The following ANO3 variants were observed in gnomAD, a reference collection of about 807,000 sequenced individuals.
ANO3 encodes anoctamin 3.
In ANO3, 99 loss-of-function variants were observed where a neutral mutation model predicts 144.8. That is an observed-to-expected ratio of 0.68 (90% CI 0.58 to 0.81). The LOEUF is 0.81. ANO3 is among the 30% of genes least tolerant of loss of function. ANO3 has a pLI of 0.00. For synonymous variants in ANO3, 414 were observed against 392.6 expected, an observed-to-expected ratio of 1.05 and a Z score of -0.64; for missense variants, 905 against 1,202.2, an observed-to-expected ratio of 0.75 and a Z score of 3.66.
In ANO3 at chr11:26,544,273, T is replaced by TATATACACACAC; in HGVS notation, c.1154+2206_1154+2207insTATACACACACA. Among the ~76,000 whole-genome samples the TATATACACACAC allele has an allele frequency of 1.2e-4, 7 of 58,566 alleles. 1 individual carries two copies. Among genetic ancestry groups the TATATACACACAC allele is most frequent in the East Asian group, 2.3e-3 (2 of 862 alleles). The allele number at this position is 58,566 out of a possible 152,430, so 38.4% of individuals were successfully genotyped here. ...ATACATATATATATATATATATATA[T>TATATACACACAC]ACACACATACACACACACACACACA... is the stretch of plus-strand genomic sequence containing the variant. On this transcript the variant is annotated intron_variant, in intron 11 of 26. Transcript: ENST00000256737.
intron 17 of ANO3, among the ~76,000 whole-genome samples, chr11:26,615,414 A>ATATATATATATATTTTTT (rs1352935016): frequency 7.7e-6 from 1 of 130,700 alleles, no homozygotes; most frequent in African/African-American, 3.0e-5. Context: ...ATATATATAT[A>ATATATATATATATTTTTT]TTTTTTTTTT....
intron 13 of ANO3, among the ~76,000 whole-genome samples, chr11:26,555,383 TG>T (rs2134234960): frequency 6.6e-6 from 1 of 152,256 alleles, no homozygotes; most frequent in East Asian, 1.9e-4. Context: ...TAACACACAT[TG>T]GCATTATTTT....
intron 1 of ANO3, among the ~76,000 whole-genome samples, chr11:26,405,148 A>G (rs1857247980): frequency 6.6e-6 from 1 of 151,578 alleles, no homozygotes; most frequent in Non-Finnish European, 1.5e-5. Context: ...TATTCCTTTC[A>G]TGGGAAAGAA....
chr11:26,340,828 T>C (rs1329046627), intron 1 of ANO3, among the ~76,000 whole-genome samples: 1 of 152,234 alleles, frequency 6.6e-6, no homozygotes, highest in Non-Finnish European at 1.5e-5. Context: ...TTAAGGTTCC[T>C]AAATGGCATT....
chr11:26,634,298 C>T lies in ANO3; in HGVS notation c.1968C>T (p.Ile656=), dbSNP rs149050831. The T allele has an allele frequency of 7.9e-3, 12,697 of 1,611,710 alleles. 90 individuals are homozygous for T. The highest frequency in any genetic ancestry group is 8.8e-3 in the Non-Finnish European group (10,407 of 1,178,062). Residue 656 remains isoleucine, a synonymous_variant, in exon 19 of 27, where the codon ATC becomes ATT. Transcript: ENST00000256737. ...FVNLNSSIFY[I]AFFLGRFVGH... is the part of the protein sequence containing the mutation. Reference sequence around the variant, plus strand: ...ATTTAAACAGTTCCATCTTCTATATCGCTTTCTTTTTGGGAAGGTAAGTCA... The same window carrying T: ...ATTTAAACAGTTCCATCTTCTATATTGCTTTCTTTTTGGGAAGGTAAGTCA...
chr11:26,250,756 C>T lies in ANO3; in HGVS notation c.155-58889C>T, dbSNP rs533673603. Among the ~76,000 whole-genome samples the T allele has an allele frequency of 5.3e-5, 8 of 152,274 alleles. No individual in the cohort carries two copies. The South Asian group carries it at 1.7e-3, about 32-fold the overall frequency. ...ATGTGATAGTATATGAGTCTCTTTC[C>T]AAATTTTGTACATATGCACATTTGT... On this transcript the variant is annotated intron_variant, in intron 1 of 27. Transcript: ENST00000672621.
At chr11:26,321,620 TA>T (rs1854763641) in intron 1 of ANO3, among the ~76,000 whole-genome samples, 1 of 152,086 alleles carries the variant, frequency 6.6e-6, no homozygotes, top group South Asian at 2.1e-4. Flanking sequence ...CACTCAAGAA[TA>T]AATTATGTCT....
chr11:26,210,089 G>C lies in ANO3; in HGVS notation c.154+20759G>C, dbSNP rs554804722. 4.6e-5 allele frequency among the ~76,000 whole-genome samples: 7 copies of C among 152,232 alleles called. No individual in the cohort carries two copies. The South Asian group carries it at 1.5e-3, about 32-fold the overall frequency. On this transcript the variant is annotated intron_variant, in intron 1 of 27. Coordinates refer to the ANO3 transcript ENST00000672621. ...CCTATGTCCTGAATGGTATTGACTAGGTTTTCTGCTATGGTTTTTATGGTT... is the reference window on the plus strand; with the variant it reads ...CCTATGTCCTGAATGGTATTGACTACGTTTTCTGCTATGGTTTTTATGGTT...
In ANO3 at chr11:26,553,244, T is replaced by TTTAA; in HGVS notation, c.1290-5_1290-4insTTAA. 2 of 1,436,592 alleles carry TTTAA rather than the reference T, an allele frequency of 1.4e-6. No homozygotes were observed. Among genetic ancestry groups the TTTAA allele is most frequent in the Non-Finnish European group, 1.9e-6 (2 of 1,030,676 alleles). The allele number at this position is 1,436,592 out of a possible 1,614,324, so 89.0% of individuals were successfully genotyped here. A position where few individuals can be genotyped will look rare whatever the true frequency, so the allele number is the denominator to read the frequency against. ...GTTTTGTTTTTGTTTTTGTTTTTTCTCAAGCCAAGAAATTTGTAAAGCCAC... is the reference window on the plus strand; with the variant it reads ...GTTTTGTTTTTGTTTTTGTTTTTTCTTTAACAAGCCAAGAAATTTGTAAAGCCAC... On this transcript the variant is annotated splice_polypyrimidine_tract_variant and splice_region_variant and intron_variant, in intron 12 of 26. Coordinates refer to ENST00000256737, the MANE Select transcript of ANO3 (RefSeq NM_031418.4).
chr11:26,568,263 T>C (rs943274909), intron 14 of ANO3, among the ~76,000 whole-genome samples: 1 of 152,048 alleles, frequency 6.6e-6, no homozygotes, highest in Non-Finnish European at 1.5e-5. Context: ...GAAGGGCTTA[T>C]TAATCCCACT....
chr11:26,456,017 C>T (rs1018168944), intron 3 of ANO3, among the ~76,000 whole-genome samples: 23 of 151,196 alleles, frequency 1.5e-4, no homozygotes, highest in African/African-American at 5.3e-4. Context: ...AACTGGCTAG[C>T]CATATGTAGA....
intron 3 of ANO3, among the ~76,000 whole-genome samples, chr11:26,460,419 AGG>A (rs11288749): frequency 2.2e-4 from 25 of 114,090 alleles, no homozygotes; most frequent in East Asian, 1.0e-3. Flanking sequence ...AGAAGAAGAA[AGG>A]GGGGGGGGCG....
chr11:26,223,292 T>C (rs896164494), intron 1 of ANO3, among the ~76,000 whole-genome samples: 1 of 152,132 alleles, frequency 6.6e-6, no homozygotes, highest in Non-Finnish European at 1.5e-5. Context: ...AGCCAAGCTC[T>C]TTCCTAAGAC....
intron 1 of ANO3, among the ~76,000 whole-genome samples, chr11:26,243,379 G>T (rs1400148305): frequency 1.3e-5 from 2 of 148,876 alleles, no homozygotes; most frequent in Non-Finnish European, 1.5e-5. Context: ...TATGTTCTTT[G>T]CAAGAATAGA....
chr11:26,495,150 G>A (rs952157643), intron 4 of ANO3, among the ~76,000 whole-genome samples: 1 of 151,064 alleles, frequency 6.6e-6, no homozygotes, highest in African/African-American at 2.4e-5. Context: ...TGTCATCCAG[G>A]CTGGAGTACA....
intron 14 of ANO3, among the ~76,000 whole-genome samples, chr11:26,589,621 GCCACCACCAATCTATTTCCTGA>G (rs140011860): frequency 0.042 from 6,325 of 151,964 alleles, 153 homozygotes; most frequent in Non-Finnish European, 0.049. Flanking sequence ...CCTGCCCCTG[GCCACCACCAATCTATTTCCTGA>G]CTGTGGATTT....
At chr11:26,244,837 T>C (rs902514136) in intron 1 of ANO3, among the ~76,000 whole-genome samples, 1 of 152,200 alleles carries the variant, frequency 6.6e-6, no homozygotes, top group African/African-American at 2.4e-5. Flanking sequence ...ATTTACTTCA[T>C]CCAAATTTCC....
chr11:26,434,080 G>C (rs75174520), intron 1 of ANO3, among the ~76,000 whole-genome samples: 1 of 152,030 alleles, frequency 6.6e-6, no homozygotes, highest in Non-Finnish European at 1.5e-5. Flanking sequence ...GTATTGGTCT[G>C]TTCAGGAAAT....
chr11:26,260,510 T>C (rs867739299), intron 1 of ANO3, among the ~76,000 whole-genome samples: 1 of 152,054 alleles, frequency 6.6e-6, no homozygotes, highest in African/African-American at 2.4e-5. Flanking sequence ...GAAAGAGATA[T>C]CACCGCATGG....
Sources: gnomAD v4.1 joint callset for allele counts (sites outside exome capture counted in the v4.1 genomes callset) on GRCh38, gnomAD v4.1.1 for gene constraint, MANE v1.5 for transcripts, NCBI Gene and HGNC (gene_info 2026-07-23, HGNC 2026-07-21) for gene names.